EIF4G3: variants seen among roughly 807,000 people sequenced by gnomAD.
EIF4G3 encodes eukaryotic translation initiation factor 4 gamma 3, also known as eIF-4-gamma 3.
Under a neutral mutation model 186.4 loss-of-function variants are expected in EIF4G3, and 34 were observed. The ratio of observed to expected loss-of-function variants is 0.18; its 90% CI spans 0.14 to 0.24. The LOEUF is 0.24. Among genes scored for constraint, EIF4G3 ranks in the 10% least tolerant of loss-of-function variants. EIF4G3 has a pLI of 1.00. For synonymous variants in EIF4G3, 673 were observed against 679.5 expected (o/e 0.99, Z 0.15); for missense variants, 1,536 against 1,948.5 (o/e 0.79, Z 3.99).
At chr1:21,013,078 A>G (rs1228046175) in intron 4 of EIF4G3, among the ~76,000 whole-genome samples, 1 of 152,288 alleles carries the variant, frequency 6.6e-6, no homozygotes, top group Non-Finnish European at 1.5e-5. Context: ...CTCCAGCTAG[A>G]GTCCAGGGAA....
chr1:20,807,755 GTTTTTTT>G (rs67864326), intron 36 of EIF4G3, among the ~76,000 whole-genome samples: 1 of 63,866 alleles, frequency 1.6e-5, no homozygotes, highest in African/African-American at 6.2e-5. Flanking sequence ...CTTTTTTTCT[GTTTTTTT>G]TTTTTTTTTT....
chr1:20,884,316 T>C (rs889369437), intron 19 of EIF4G3, among the ~76,000 whole-genome samples: 7 of 152,196 alleles, frequency 4.6e-5, no homozygotes, highest in Middle Eastern at 3.2e-3. Context: ...TTACGAGTTA[T>C]AACAACTGGA....
intron 14 of EIF4G3, among the ~76,000 whole-genome samples, chr1:20,920,066 C>T (rs1342456721): frequency 6.6e-6 from 1 of 152,066 alleles, no homozygotes; most frequent in African/African-American, 2.4e-5. Flanking sequence ...ACCACCACAC[C>T]CAGCTAATTT....
At chr1:21,143,864 A>G (rs113998291) in intron 2 of EIF4G3, among the ~76,000 whole-genome samples, 9 of 152,124 alleles carry the variant, frequency 5.9e-5, no homozygotes, top group Admixed American at 6.5e-5. Flanking sequence ...GGAGGCTGCC[A>G]TAAGTCAAGA....
At chr1:21,012,573 T>TAA (rs1167127945) in intron 4 of EIF4G3, among the ~76,000 whole-genome samples, 1 of 152,000 alleles carries the variant, frequency 6.6e-6, no homozygotes, top group Non-Finnish European at 1.5e-5. Flanking sequence ...AGTACCTTTG[T>TAA]AAAAACTCAA....
rs748946665 is a variant in EIF4G3, at chr1:20,829,284, CA to C, written c.4062-13del. On this transcript the variant is annotated splice_polypyrimidine_tract_variant and intron_variant, in intron 30 of 36. Coordinates refer to ENST00000602326, the MANE Select transcript of EIF4G3 (RefSeq NM_001391906.1). ...AAGTTTCTGAAAAACTGAAAAGGAA[CA>C]GGGGGTAAAAATCACATGCAAATGT... 8.7e-6 allele frequency: 14 copies of C among 1,608,574 alleles called. No individual in the cohort carries two copies. The Admixed American group carries it at 1.0e-4, about 12-fold the overall frequency.
intron 2 of EIF4G3, among the ~76,000 whole-genome samples, chr1:21,122,629 A>C (rs931336023): frequency 5.3e-5 from 8 of 152,230 alleles, no homozygotes; most frequent in Non-Finnish European, 1.2e-4. Context: ...AGAACAGGTC[A>C]AACGAGATGT....
intron 12 of EIF4G3, among the ~76,000 whole-genome samples, chr1:20,954,461 G>A (rs575952381): frequency 1.1e-4 from 16 of 150,704 alleles, no homozygotes; most frequent in African/African-American, 3.2e-4. Flanking sequence ...GCTTGAACTC[G>A]GGGGGTGGAG....
In EIF4G3 at chr1:21,176,297, C is replaced by CGCT. The variant is rs1365200085; in HGVS notation, c.-397_-395dup. On this transcript the variant is annotated 5_prime_UTR_variant, in exon 2 of 37. Transcript: ENST00000602326. The stretch of plus-strand genomic sequence containing the variant: ...CCGCCGCCGGGTGAGGAGGCGGTAC[C>CGCT]GCTGCTGCCGCCGCCGCCGCCGCTC... The CGCT allele has an allele frequency of 1.7e-5, 5 of 298,594 alleles. No homozygotes were observed. The highest frequency in any genetic ancestry group is 4.6e-5 in the African/African-American group (2 of 43,772). The allele number at this position is 298,594 out of a possible 1,614,324, so 18.5% of individuals were successfully genotyped here.
chr1:20,957,843 A>G (rs2096473952), intron 12 of EIF4G3, among the ~76,000 whole-genome samples: 1 of 152,178 alleles, frequency 6.6e-6, no homozygotes. Flanking sequence ...CCTACATTAA[A>G]TCAGAGGAAA....
chr1:20,981,788 T>C (rs1312694827), intron 8 of EIF4G3, among the ~76,000 whole-genome samples: 1 of 151,892 alleles, frequency 6.6e-6, no homozygotes, highest in Admixed American at 6.6e-5. Flanking sequence ...TACATACATA[T>C]ATGTATACAC....
chr1:20,943,451 A>G (rs2095799007), intron 13 of EIF4G3, among the ~76,000 whole-genome samples: 1 of 152,224 alleles, frequency 6.6e-6, no homozygotes, highest in African/African-American at 2.4e-5. Flanking sequence ...CATTTTTATT[A>G]ATAAATTCCA....
At chr1:20,938,346 G>A (rs1363651522) in intron 14 of EIF4G3, among the ~76,000 whole-genome samples, 2 of 152,140 alleles carry the variant, frequency 1.3e-5, no homozygotes, top group Non-Finnish European at 2.9e-5. Context: ...ATAGTTACAA[G>A]AAAATGTTTT....
chr1:20,859,041 A>C (rs529291579), intron 24 of EIF4G3, among the ~76,000 whole-genome samples: 2 of 152,302 alleles, frequency 1.3e-5, no homozygotes, highest in Admixed American at 6.5e-5. Flanking sequence ...AAGATCACCG[A>C]ACTGTCTATC....
At chr1:21,145,492 G>A (rs891273714) in intron 2 of EIF4G3, among the ~76,000 whole-genome samples, 1 of 149,918 alleles carries the variant, frequency 6.7e-6, no homozygotes, top group African/African-American at 2.5e-5. Context: ...TCTCAAACAC[G>A]TAGCCTCAAA....
At chr1:21,104,632 A>C (rs1275424187) in intron 2 of EIF4G3, among the ~76,000 whole-genome samples, 2 of 152,216 alleles carry the variant, frequency 1.3e-5, no homozygotes, top group African/African-American at 2.4e-5. Flanking sequence ...TGGAAATGTA[A>C]ATTACTTCAG....
chr1:20,952,846 G>A (rs1309192448), intron 12 of EIF4G3, among the ~76,000 whole-genome samples: 3 of 144,834 alleles, frequency 2.1e-5, no homozygotes, highest in African/African-American at 5.1e-5. Context: ...GCAAGGCTCC[G>A]TCTCGAAAAC....
chr1:21,058,263 G>T (rs1459294260), intron 3 of EIF4G3, among the ~76,000 whole-genome samples: 1 of 152,046 alleles, frequency 6.6e-6, no homozygotes, highest in African/African-American at 2.4e-5. Flanking sequence ...ATAAGAGAAT[G>T]GCCACTCCCC....
chr1:20,877,093 C>A (rs951676574), intron 20 of EIF4G3, among the ~76,000 whole-genome samples: 4 of 152,192 alleles, frequency 2.6e-5, no homozygotes, highest in Non-Finnish European at 5.9e-5. Flanking sequence ...ATTGCCAGAT[C>A]ATTTCAAAGG....
Sources: gnomAD v4.1 joint callset for allele counts (sites outside exome capture counted in the v4.1 genomes callset) on GRCh38, gnomAD v4.1.1 for gene constraint, MANE v1.5 for transcripts, NCBI Gene and HGNC (gene_info 2026-07-23, HGNC 2026-07-21) for gene names.